DOP1B: variants seen among roughly 807,000 people sequenced by gnomAD.
DOP1B encodes protein DOP1B.
A neutral mutation model predicts 233.5 loss-of-function variants in DOP1B; 174 were observed. That is an observed-to-expected ratio of 0.75 (90% confidence interval 0.66 to 0.85). The LOEUF is 0.85. Ranked by LOEUF, DOP1B falls within the 40% of genes least tolerant of loss-of-function variation. The pLI is 0.00. For synonymous variants in DOP1B, 1,190 were observed against 1,185.6 expected (o/e 1.00, Z -0.08); for missense variants, 2,652 against 2,846.6 (o/e 0.93, Z 1.56).
intron 10 of DOP1B, among the ~76,000 whole-genome samples, chr21:36,220,912 G>T (rs2066616044): frequency 6.6e-6 from 1 of 152,076 alleles, no homozygotes; most frequent in African/African-American, 2.4e-5. Context: ...CTGGGATCAA[G>T]TGATCCTCAC....
chr21:36,266,253 T>G (rs754580078), intron 26 of DOP1B, among the ~76,000 whole-genome samples: 50 of 152,334 alleles, frequency 3.3e-4, no homozygotes, highest in Non-Finnish European at 5.9e-4. Flanking sequence ...CTCAGCTCAC[T>G]GCAACCTCCG....
rs78664856 is a variant in DOP1B at position 36,174,979 on chromosome 21, G to A, written c.138+10108G>A. Among the ~76,000 whole-genome samples, 24 of 152,338 alleles carry A rather than the reference G, an allele frequency of 1.6e-4. 1 individual carries two copies. In the East Asian group the frequency reaches 4.6e-3, roughly 29 times the overall value. On this transcript the variant is annotated intron_variant, in intron 2 of 36. Coordinates refer to ENST00000691173, the MANE Select transcript of DOP1B (RefSeq NM_001320714.2). Reference sequence around the variant, plus strand: ...TTTTGTTTCACAGTTCTGGAAGCCAGAAGTCCAATATCAACGTGTCGGCAG... The same window carrying A: ...TTTTGTTTCACAGTTCTGGAAGCCAAAAGTCCAATATCAACGTGTCGGCAG...
In DOP1B at chr21:36,248,513, T is replaced by C; in HGVS notation, c.4943T>C (p.Val1648Ala). 3 of 1,614,164 alleles carry C rather than the reference T, an allele frequency of 1.9e-6. No individual in the cohort carries two copies. Among genetic ancestry groups the C allele is most frequent in the Non-Finnish European group, 2.5e-6 (3 of 1,180,010 alleles). ...LRKEETQKRP[V>A]DLLGATKGSS... ...AAGGAGGAGACTCAAAAGAGACCTG[T>C]CGATCTCCTAGGGGCCACGAAGGGA... The change falls in exon 21 of 37, where the codon GTC becomes GCC. Residue 1648 changes from valine to alanine, a missense_variant. This residue lies in a region of DOP1B where 2,617 missense variants were observed against 2,794.3 expected (regional missense o/e 0.94). Coordinates refer to ENST00000691173, the MANE Select transcript of DOP1B (RefSeq NM_001320714.2).
chr21:36,234,732 G>A (rs1454288373), intron 15 of DOP1B, among the ~76,000 whole-genome samples: 38 of 151,872 alleles, frequency 2.5e-4, no homozygotes, highest in Admixed American at 2.2e-3. Context: ...GTAGAGACGG[G>A]GTTTTACCAT....
intron 2 of DOP1B, among the ~76,000 whole-genome samples, chr21:36,167,701 C>T (rs1317131594): frequency 2.6e-5 from 4 of 151,984 alleles, no homozygotes; most frequent in African/African-American, 9.7e-5. Context: ...GCAGTTCCTC[C>T]CCATTCCTCC....
rs1476710167 is a variant in DOP1B at position 36,211,995 on chromosome 21, C to T, written c.802C>T (p.Pro268Ser). Reference protein sequence around the residue: ...TCLDSNERAIPLLRSDIVRIL... With the variant: ...TCLDSNERAISLLRSDIVRIL... ...ATAGGATTCCAATGAGAGAGCCATC[C>T]CCCTCCTCAGATCTGACATCGTGCG... The change falls in exon 7 of 37, where the codon CCC becomes TCC. Residue 268 changes from proline to serine, a missense_variant. Physicochemically the swap from Pro to Ser is moderately conservative, Grantham distance 74. Transcript: ENST00000691173. 6.2e-7 allele frequency: 1 copy of T among 1,613,982 alleles called. No homozygotes were observed. Among genetic ancestry groups the T allele is most frequent in the Admixed American group, 1.7e-5 (1 of 60,000 alleles).
chr21:36,293,395 A>T lies in DOP1B; in HGVS notation c.6721A>T (p.Arg2241Trp). 1 of 1,614,144 alleles carries T rather than the reference A, an allele frequency of 6.2e-7. No individual in the cohort carries two copies. Among genetic ancestry groups the T allele is most frequent in the Non-Finnish European group, 8.5e-7 (1 of 1,180,010 alleles). Reference sequence around the variant, plus strand: ...GCGCCAACATTCTGTTTCCAGCATCAGGCAGTTGATGCCATTCTTCATGAC... The same window carrying T: ...GCGCCAACATTCTGTTTCCAGCATCTGGCAGTTGATGCCATTCTTCATGAC... ...LLRQHSVSSI[R>W]QLMPFFMTLN... Residue 2241 changes from arginine (R) to tryptophan (W), a missense_variant, in exon 37 of 37, where the codon AGG (arginine) becomes TGG (tryptophan). Physicochemically the swap from Arg to Trp is moderately radical, Grantham distance 101. This residue lies in a region of DOP1B where 2,617 missense variants were observed against 2,794.3 expected (regional missense o/e 0.94). Transcript: ENST00000691173.
rs1040289129 is a variant in DOP1B, at chr21:36,259,390, C to T, written c.5260-1287C>T. On this transcript the variant is annotated intron_variant, in intron 23 of 36. Transcript: ENST00000691173. ...GGTTCAAGCAATTGTCCTGCCTCTGCCTCCTGAGTAGCTGGGATTACAGGC... is the reference window on the plus strand; with the variant it reads ...GGTTCAAGCAATTGTCCTGCCTCTGTCTCCTGAGTAGCTGGGATTACAGGC... Among the ~76,000 whole-genome samples, 6 of 152,078 alleles carry T rather than the reference C, an allele frequency of 3.9e-5. 1 individual carries two copies. In the East Asian group the frequency reaches 1.2e-3, roughly 29 times the overall value.
chr21:36,186,350 T>C (rs1229003522), intron 2 of DOP1B, among the ~76,000 whole-genome samples: 2 of 152,164 alleles, frequency 1.3e-5, no homozygotes. Context: ...TGTATGCATG[T>C]GTGTATATGT....
At chr21:36,227,952 T>G in intron 13 of DOP1B, 75 bp downstream of exon 13, 1 of 1,369,996 alleles carries the variant, frequency 7.3e-7, no homozygotes, top group Non-Finnish European at 9.6e-7. Context: ...AGAAAGTCTT[T>G]AGGGTTGGTT....
Position 36,246,226 on chromosome 21 carries a change from G to T in DOP1B, c.4246G>T (p.Asp1416Tyr). The change falls in exon 19 of 37, where the codon GAC (aspartate) becomes TAC (tyrosine). Residue 1416 changes from aspartate (D) to tyrosine (Y), a missense_variant. Asp to Tyr is a radical substitution (Grantham distance 160, BLOSUM62 -3). Coordinates refer to ENST00000691173, the MANE Select transcript of DOP1B (RefSeq NM_001320714.2). The surrounding 1 kb of genome is among the most constrained non-coding windows in gnomAD (Gnocchi z 5.1). ...CCACCACGGCAGGGCCCTGCCAGAG[G>T]ACAGCCTCTTTGAGGAGAGTCTCAT... is the stretch of plus-strand genomic sequence containing the variant. Reference protein sequence around the residue: ...TAHHGRALPEDSLFEESLINL... With the variant: ...TAHHGRALPEYSLFEESLINL... The T allele has an allele frequency of 6.2e-7, 1 of 1,613,846 alleles. No homozygotes were observed. Among genetic ancestry groups the T allele is most frequent in the Non-Finnish European group, 8.5e-7 (1 of 1,180,026 alleles).
chr21:36,260,327 A>C (rs1046512867), intron 23 of DOP1B, among the ~76,000 whole-genome samples: 2 of 152,074 alleles, frequency 1.3e-5, no homozygotes. Context: ...CCTCTTGGTA[A>C]TCATATGCAT....
At chr21:36,181,383 AT>A in intron 2 of DOP1B, among the ~76,000 whole-genome samples, 1 of 152,028 alleles carries the variant, frequency 6.6e-6, no homozygotes, top group Admixed American at 6.5e-5. Context: ...GGCTCAAGCA[AT>A]TCTCCTGCCT....
intron 23 of DOP1B, among the ~76,000 whole-genome samples, chr21:36,259,121 A>G (rs932632601): frequency 6.6e-6 from 1 of 151,300 alleles, no homozygotes; most frequent in Non-Finnish European, 1.5e-5. Context: ...GCCCGCCACC[A>G]CGCCCGGCTA....
chr21:36,192,983 C>T (rs536708603), intron 2 of DOP1B, among the ~76,000 whole-genome samples: 3 of 152,264 alleles, frequency 2.0e-5, no homozygotes, highest in East Asian at 3.9e-4. Context: ...CCACCATGCC[C>T]GGCCCCACTT....
rs2066891888 is a variant in DOP1B at position 36,241,568 on chromosome 21, G to A, written c.3067+1613G>A. Among the ~76,000 whole-genome samples the A allele has an allele frequency of 2.2e-5, 3 of 137,042 alleles. No individual in the cohort carries two copies. In the Admixed American group the frequency reaches 2.4e-4, roughly 11 times the overall value. 89.9% of individuals were successfully genotyped at this position (137,042 alleles called of 152,430 possible). On this transcript the variant is annotated intron_variant, in intron 18 of 36. Coordinates refer to ENST00000691173, the MANE Select transcript of DOP1B (RefSeq NM_001320714.2). ...CTGTCACCCAAGCTGGAGTGCAGTG[G>A]TGCAATCTCGGCTCACTGCAACCTC...
At position 36,199,016 on chromosome 21, in the gene DOP1B, A is replaced by G. The variant is rs182063605; in HGVS notation, c.139-54A>G. The G allele has an allele frequency of 1.0e-4, 157 of 1,570,116 alleles. No individual in the cohort carries two copies. In the African/African-American group the frequency reaches 1.7e-3, roughly 17 times the overall value. ...TCTGGCTTCAGCAGATCCACTCTCC[A>G]TTGTAAATATCGCTGCCTTCTTCCT... On this transcript the variant is annotated intron_variant, in intron 2 of 36. Transcript: ENST00000691173.
chr21:36,163,821 G>A (rs2123386913), intron 1 of DOP1B, among the ~76,000 whole-genome samples: 1 of 152,192 alleles, frequency 6.6e-6, no homozygotes, highest in East Asian at 1.9e-4. Context: ...ATGCCATCTG[G>A]GGCTGCAGGG....
intron 27 of DOP1B, among the ~76,000 whole-genome samples, chr21:36,272,471 G>A (rs527571980): frequency 1.8e-4 from 28 of 151,998 alleles, no homozygotes; most frequent in East Asian, 3.9e-4. Flanking sequence ...CCAACTTGGC[G>A]AAACTCCATC....
Sources: gnomAD v4.1 joint callset for allele counts (sites outside exome capture counted in the v4.1 genomes callset) on GRCh38, gnomAD v4.1.1 for gene constraint, gnomAD v4.1.1 regional missense constraint, Gnocchi (gnomAD v3.1) non-coding constraint, MANE v1.5 for transcripts, NCBI Gene and HGNC (gene_info 2026-07-23, HGNC 2026-07-21) for gene names.